Variants in CPNE3 observed in about 807,000 individuals in gnomAD.
CPNE3 encodes copine 3, also known as copine-3.
A neutral mutation model predicts 63.9 loss-of-function variants in CPNE3; 68 were observed. That is an observed-to-expected ratio of 1.06 (90% CI 0.87 to 1.30). The LOEUF (loss-of-function observed/expected upper bound fraction) is 1.30, where lower values mean the gene tolerates loss of function less well. Ranked by LOEUF, CPNE3 falls within the 50% of genes most tolerant of loss-of-function variation. CPNE3 has a pLI of 0.00. For missense variants in CPNE3, 665 were observed against 578.1 expected (o/e 1.15, Z -1.54); for synonymous variants, 219 against 197.5 (o/e 1.11, Z -0.91).
chr8:86,537,542 T>C, intron 6 of CPNE3, 21 bp from the exon 7 acceptor site: 5 of 1,481,488 alleles, frequency 3.4e-6, no homozygotes, highest in Non-Finnish European at 4.7e-6. Context: ...AAATGCTTTT[T>C]GTTGTTTGTT....
intron 9 of CPNE3, chr8:86,545,144 C>A (rs1268311009): frequency 5.8e-6 from 1 of 172,638 alleles, no homozygotes; most frequent in Non-Finnish European, 1.2e-5. Flanking sequence ...ATTGTATCAT[C>A]GTATTGAAGT....
chr8:86,542,908 G>A (rs1413438709), intron 8 of CPNE3, among the ~76,000 whole-genome samples: 2 of 151,894 alleles, frequency 1.3e-5, no homozygotes, highest in South Asian at 4.1e-4. Flanking sequence ...GATATGAACC[G>A]TTTTAGCCCT....
intron 2 of CPNE3, among the ~76,000 whole-genome samples, chr8:86,517,197 T>A (rs188052690): frequency 7.2e-5 from 11 of 152,352 alleles, no homozygotes; most frequent in Admixed American, 6.5e-4. Flanking sequence ...CAATCATAAC[T>A]TTTTAAAAGA....
chr8:86,522,548 C>CTTTTTTTTTTTTTTT (rs36073581), intron 2 of CPNE3, among the ~76,000 whole-genome samples: 5 of 82,182 alleles, frequency 6.1e-5, no homozygotes, highest in Non-Finnish European at 8.6e-5. Context: ...ACGCCCGCTG[C>CTTTTTTTTTTTTTTT]TTTTTTTTTT....
At chr8:86,542,496 G>T (rs188213600) in intron 8 of CPNE3, among the ~76,000 whole-genome samples, 2,559 of 151,904 alleles carry the variant, frequency 0.017, 40 homozygotes, top group Non-Finnish European at 0.025. Flanking sequence ...GTGTATATAT[G>T]TATACATTTA....
At chr8:86,557,845 G>A (rs1266429606) in intron 16 of CPNE3, among the ~76,000 whole-genome samples, 1 of 152,102 alleles carries the variant, frequency 6.6e-6, no homozygotes, top group Non-Finnish European at 1.5e-5. Flanking sequence ...CCTGGTTTTG[G>A]TTTTGATACT....
intron 7 of CPNE3, among the ~76,000 whole-genome samples, chr8:86,538,350 A>C (rs1586839321): frequency 6.6e-6 from 1 of 152,180 alleles, no homozygotes; most frequent in Non-Finnish European, 1.5e-5. Context: ...ACTCCATCCC[A>C]GGCTACTGAG....
Position 86,558,525 on chromosome 8 carries a change from T to C in CPNE3, c.*115T>C, listed in dbSNP as rs1176887190. 10 of 787,814 alleles carry C rather than the reference T, an allele frequency of 1.3e-5. No homozygotes were observed. In the African/African-American group the frequency reaches 1.7e-4, roughly 13 times the overall value. 48.8% of individuals were successfully genotyped at this position (787,814 alleles called of 1,614,324 possible). A position where few individuals can be genotyped will look rare whatever the true frequency, so the allele number is the denominator to read the frequency against. On this transcript the variant is annotated 3_prime_UTR_variant, in exon 17 of 17. Transcript: ENST00000517490. ...CCAGCATTTATGATGTAAATCTCTT[T>C]CTCTATGGATTATATCTGTTTAAAG... is the stretch of plus-strand genomic sequence containing the variant.
At chr8:86,540,180 G>A in intron 7 of CPNE3, 65 bp from the exon 8 acceptor site, 1 of 930,802 alleles carries the variant, frequency 1.1e-6, no homozygotes, top group Non-Finnish European at 1.8e-6. Flanking sequence ...CCTAGGAAGG[G>A]CAGGAGCAAA....
intron 8 of CPNE3, among the ~76,000 whole-genome samples, chr8:86,541,013 T>A (rs191325274): frequency 6.6e-6 from 1 of 152,166 alleles, no homozygotes; most frequent in Non-Finnish European, 1.5e-5. Context: ...GAAACTTTTG[T>A]ACTAGAATTA....
At chr8:86,553,055 G>C (rs1305811004) in intron 14 of CPNE3, among the ~76,000 whole-genome samples, 1 of 144,980 alleles carries the variant, frequency 6.9e-6, no homozygotes, top group Non-Finnish European at 1.5e-5. Flanking sequence ...GTAAAGACAG[G>C]GTTTCACCAT....
At chr8:86,530,424 C>T (rs760219157) in intron 4 of CPNE3, among the ~76,000 whole-genome samples, 8 of 152,198 alleles carry the variant, frequency 5.3e-5, no homozygotes, top group Non-Finnish European at 4.4e-5. Context: ...CCCACCTCAG[C>T]TTCCCAAAGT....
intron 16 of CPNE3, 36 bp from the exon 17 acceptor site, chr8:86,558,252 T>G: frequency 1.1e-6 from 1 of 872,250 alleles, no homozygotes; most frequent in South Asian, 1.3e-5. Context: ...AAAATTCAGT[T>G]GCTAATAAAG....
chr8:86,540,385 C>T, intron 8 of CPNE3, 51 bp downstream of exon 8: 1 of 861,130 alleles, frequency 1.2e-6, no homozygotes, highest in Non-Finnish European at 1.7e-6. Flanking sequence ...CCATGTTCAC[C>T]TATTTTATAA....
At chr8:86,541,817 A>C (rs1820948340) in intron 8 of CPNE3, among the ~76,000 whole-genome samples, 1 of 152,186 alleles carries the variant, frequency 6.6e-6, no homozygotes, top group African/African-American at 2.4e-5. Flanking sequence ...TATTTGAAAC[A>C]GTAGTGAAAA....
intron 12 of CPNE3, 150 bp downstream of exon 12, chr8:86,548,584 T>C (rs1026199712): frequency 1.2e-5 from 12 of 966,164 alleles, no homozygotes; most frequent in Admixed American, 1.1e-4. Context: ...ATTTTTCTCC[T>C]TGTGGCAATC....
intron 6 of CPNE3, among the ~76,000 whole-genome samples, chr8:86,536,569 G>A (rs1046193938): frequency 2.6e-5 from 4 of 152,110 alleles, no homozygotes; most frequent in Middle Eastern, 6.8e-3. Context: ...TAAACTTTGT[G>A]TTCAAGAGAG....
intron 2 of CPNE3, among the ~76,000 whole-genome samples, chr8:86,523,458 A>G (rs1352932576): frequency 1.3e-5 from 2 of 152,228 alleles, no homozygotes. Context: ...CACAGTATAT[A>G]GACGGAGTGA....
At chr8:86,535,593 A>G (rs979297641) in intron 6 of CPNE3, among the ~76,000 whole-genome samples, 13 of 152,170 alleles carry the variant, frequency 8.5e-5, no homozygotes, top group African/African-American at 3.1e-4. Context: ...GCTTGAACCC[A>G]GGAGGGGGAG....
Sources: allele counts gnomAD v4.1 joint callset (sites outside exome capture counted in the v4.1 genomes callset), GRCh38; gene constraint gnomAD v4.1.1; transcripts MANE v1.5; gene names NCBI Gene and HGNC (gene_info 2026-07-23, HGNC 2026-07-21).